Variants in AP1G1 observed in about 807,000 individuals in gnomAD.
The protein encoded by AP1G1 is AP-1 complex subunit gamma-1.
A neutral mutation model predicts 108.3 loss-of-function variants in AP1G1; 7 were observed. The ratio of observed to expected loss-of-function variants is 0.06; its 90% confidence interval spans 0.04 to 0.12. AP1G1 has a LOEUF of 0.12. Among genes scored for constraint, AP1G1 ranks in the 10% least tolerant of loss-of-function variants. The pLI, the probability that AP1G1 is intolerant of heterozygous loss-of-function variation, is 1.00. For missense variants in AP1G1, 756 were observed against 1,010.7 expected (o/e 0.75, Z 3.42); for synonymous variants, 379 against 353.5 (o/e 1.07, Z -0.81).
At chr16:71,808,112 G>A (rs544406654) in intron 1 of AP1G1, 13 of 1,151,462 alleles carry the variant, frequency 1.1e-5, no homozygotes, top group Middle Eastern at 3.8e-4. Context: ...CAGGAAGACC[G>A]GGAGAATTAT....
intron 6 of AP1G1, among the ~76,000 whole-genome samples, chr16:71,769,145 T>C (rs2145481077): frequency 6.6e-6 from 1 of 151,552 alleles, no homozygotes; most frequent in East Asian, 1.9e-4. Context: ...TAGATGGGCA[T>C]GGTGGCGCGC....
intron 9 of AP1G1, among the ~76,000 whole-genome samples, 195 bp downstream of exon 9, chr16:71,764,155 A>T (rs1250837212): frequency 3.9e-5 from 6 of 152,194 alleles, no homozygotes; most frequent in Non-Finnish European, 8.8e-5. Context: ...GATCTCCCAA[A>T]GTTTATTATA....
In AP1G1 at chr16:71,730,257, G is replaced by GT. The variant is rs1402898422; in HGVS notation, c.*2800dup. ...TCTCAGGGAGAGCACCCTTCCTACA[G>GT]TTTTTTGAGATTACTTAGATGAATT... On this transcript the variant is annotated 3_prime_UTR_variant, in exon 23 of 23. Coordinates refer to ENST00000299980, the MANE Select transcript of AP1G1 (RefSeq NM_001128.6). 2 of 146,522 alleles carry GT rather than the reference G, an allele frequency of 1.4e-5. No homozygotes were observed. Among genetic ancestry groups the GT allele is most frequent in the Admixed American group, 6.8e-5 (1 of 14,650 alleles). 9.1% of individuals were successfully genotyped at this position (146,522 alleles called of 1,614,324 possible).
intron 16 of AP1G1, 68 bp from the exon 17 acceptor site, chr16:71,746,760 TTAA>T (rs1452253465): frequency 5.8e-6 from 7 of 1,197,544 alleles, no homozygotes; most frequent in Non-Finnish European, 7.2e-6. Context: ...GAGATAATGT[TTAA>T]TAAGCCAGAA....
intron 2 of AP1G1, among the ~76,000 whole-genome samples, chr16:71,778,619 G>A (rs2031880144): frequency 1.3e-5 from 2 of 151,340 alleles, no homozygotes; most frequent in African/African-American, 2.4e-5. Context: ...GGAGGAGTAG[G>A]TTGCAGTGAG....
At position 71,753,846 on chromosome 16, in the gene AP1G1, C is replaced by T. The variant is rs774004811; in HGVS notation, c.1271G>A (p.Arg424His). The change falls in exon 13 of 23, where the codon CGT becomes CAT. Residue 424 changes from arginine to histidine, a missense_variant. Transcript: ENST00000299980. ...GAAGCTACTTACCGTTGTCAAAACA[C>T]GCATAATTGTGTCTATATGCCATCG... Reference protein sequence around the residue: ...SKRWHIDTIMRVLTTAGSYVR... With the variant: ...SKRWHIDTIMHVLTTAGSYVR... 1.3e-5 allele frequency: 21 copies of T among 1,613,974 alleles called. No homozygotes were observed. Among genetic ancestry groups the T allele is most frequent in the East Asian group, 2.2e-5 (1 of 44,878 alleles).
At chr16:71,751,972 T>C (rs2030531233) in intron 13 of AP1G1, among the ~76,000 whole-genome samples, 1 of 152,138 alleles carries the variant, frequency 6.6e-6, no homozygotes, top group Non-Finnish European at 1.5e-5. Flanking sequence ...ATCTCTCTCA[T>C]GAATACACAT....
At position 71,764,657 on chromosome 16, in the gene AP1G1, T is replaced by C. The variant is rs1567650753; in HGVS notation, c.808A>G (p.Ile270Val). The C allele has an allele frequency of 1.9e-6, 3 of 1,606,454 alleles. No individual in the cohort carries two copies. The highest frequency in any genetic ancestry group is 2.2e-5 in the East Asian group (1 of 44,694). ...DDDSSEAMND[I>V]LAQVATNTET... ...TTTGGTCTACTCACCTGTGCTAATA[T>C]ATCATTCATAGCTTCACTTGAATCA... Residue 270 changes from isoleucine (I) to valine (V), a missense_variant, in exon 8 of 23, where the codon ATA (isoleucine) becomes GTA (valine). Physicochemically the swap from Ile to Val is conservative, Grantham distance 29 (BLOSUM62 3). Around this residue, in one of 3 missense-constraint regions of AP1G1, gnomAD observed 304 missense variants for 483.6 expected, o/e 0.63. Coordinates refer to ENST00000299980, the MANE Select transcript of AP1G1 (RefSeq NM_001128.6).
chr16:71,745,609 G>A lies in AP1G1; in HGVS notation c.1736C>T (p.Ala579Val). Residue 579 changes from alanine to valine, a missense_variant, in exon 18 of 23, where the codon GCC (alanine) becomes GTC (valine). Around this residue, in one of 3 missense-constraint regions of AP1G1, gnomAD observed 357 missense variants for 366.5 expected, o/e 0.97. Coordinates refer to ENST00000299980, the MANE Select transcript of AP1G1 (RefSeq NM_001128.6). ...LFKKYDHMRS[A>V]LLERMPVMEK... ...CATGACAGGCATTCTCTCAAGTAGG[G>A]CAGACCTAGAAGAATCTGAAGTGGT... 6.2e-7 allele frequency: 1 copy of A among 1,613,946 alleles called. No individual in the cohort carries two copies.
chr16:71,737,282 CT>C (rs1395765150), intron 21 of AP1G1, among the ~76,000 whole-genome samples: 2 of 151,868 alleles, frequency 1.3e-5, no homozygotes, highest in African/African-American at 2.4e-5. Flanking sequence ...TACTGCTCCC[CT>C]TTTTTTTCTT....
At chr16:71,768,917 CAAAA>C (rs58725744) in intron 6 of AP1G1, among the ~76,000 whole-genome samples, 1 of 42,164 alleles carries the variant, frequency 2.4e-5, no homozygotes, top group Non-Finnish European at 3.9e-5. Flanking sequence ...GACTCTGTCT[CAAAA>C]AAAAAAAAAA....
At chr16:71,775,710 T>C (rs570112477) in intron 2 of AP1G1, among the ~76,000 whole-genome samples, 1 of 152,296 alleles carries the variant, frequency 6.6e-6, no homozygotes, top group East Asian at 1.9e-4. Flanking sequence ...GTGGAAAGTA[T>C]GTGAACCAAG....
At chr16:71,761,329 T>C (rs774896979) in intron 10 of AP1G1, among the ~76,000 whole-genome samples, 183 bp downstream of exon 10, 34 of 152,188 alleles carry the variant, frequency 2.2e-4, no homozygotes, top group African/African-American at 8.2e-4. Flanking sequence ...AATAGGAATA[T>C]ATGCCATGAG....
At chr16:71,762,030 T>G (rs1437121051) in intron 9 of AP1G1, among the ~76,000 whole-genome samples, 1 of 151,982 alleles carries the variant, frequency 6.6e-6, no homozygotes, top group Non-Finnish European at 1.5e-5. Flanking sequence ...CTTTTAGGAA[T>G]TGATCTGACA....
chr16:71,741,278 G>C (rs1229983123), intron 19 of AP1G1, among the ~76,000 whole-genome samples: 1 of 152,072 alleles, frequency 6.6e-6, no homozygotes, highest in East Asian at 1.9e-4. Context: ...AGATACTAAA[G>C]AATACTAGAA....
intron 1 of AP1G1, among the ~76,000 whole-genome samples, chr16:71,806,469 C>T (rs952816068): frequency 6.6e-6 from 1 of 152,168 alleles, no homozygotes; most frequent in Non-Finnish European, 1.5e-5. Flanking sequence ...GCCTCCAACT[C>T]CTGGGCTCAA....
chr16:71,773,051 T>C (rs752323566), intron 4 of AP1G1, 170 bp downstream of exon 4: 4 of 789,536 alleles, frequency 5.1e-6, no homozygotes, highest in South Asian at 1.5e-5. Context: ...TATAAATCAT[T>C]TCCTTAAGAA....
At chr16:71,741,068 G>C (rs959250137) in intron 19 of AP1G1, among the ~76,000 whole-genome samples, 2 of 151,996 alleles carry the variant, frequency 1.3e-5, no homozygotes, top group Non-Finnish European at 2.9e-5. Flanking sequence ...TAGAACATGA[G>C]GGATATCAAG....
chr16:71,782,939 C>G (rs986406693), intron 2 of AP1G1, among the ~76,000 whole-genome samples: 1 of 152,100 alleles, frequency 6.6e-6, no homozygotes, highest in Non-Finnish European at 1.5e-5. Flanking sequence ...TTTCCTTACC[C>G]TGGATTTGGG....
Sources: allele counts gnomAD v4.1 joint callset (sites outside exome capture counted in the v4.1 genomes callset), GRCh38; gene constraint gnomAD v4.1.1; regional missense constraint gnomAD v4.1.1; transcripts MANE v1.5; gene names NCBI Gene and HGNC (gene_info 2026-07-23, HGNC 2026-07-21).